The following FNDC3A variants were observed in gnomAD, a reference collection of about 807,000 sequenced individuals.
FNDC3A encodes the protein fibronectin type-III domain-containing protein 3A.
In FNDC3A, 32 loss-of-function variants were observed where a neutral mutation model predicts 148.9. That is an observed-to-expected ratio of 0.21 (90% CI 0.16 to 0.29). The LOEUF (loss-of-function observed/expected upper bound fraction) is 0.29. Among genes scored for constraint, FNDC3A ranks in the 10% least tolerant of loss-of-function variants. The pLI is 1.00. For missense variants in FNDC3A, 1,191 were observed against 1,452.8 expected (o/e 0.82, Z 2.93); for synonymous variants, 472 against 473.6 (o/e 1.00, Z 0.04).
At chr13:49,058,950 C>T (rs1432253599) in intron 2 of FNDC3A, among the ~76,000 whole-genome samples, 1 of 152,144 alleles carries the variant, frequency 6.6e-6, no homozygotes, top group Non-Finnish European at 1.5e-5. Context: ...GAAATTTGTA[C>T]CTAGCTTTCA....
At chr13:49,106,463 C>T (rs1880179140) in intron 3 of FNDC3A, among the ~76,000 whole-genome samples, 1 of 152,008 alleles carries the variant, frequency 6.6e-6, no homozygotes, top group Non-Finnish European at 1.5e-5. Flanking sequence ...CAGGCATGCA[C>T]CACCACACCC....
chr13:49,145,711 A>AT lies in FNDC3A; in HGVS notation c.820-66dup, dbSNP rs1882952596. On this transcript the variant is annotated intron_variant, in intron 7 of 25. Transcript: ENST00000492622. Reference sequence around the variant, plus strand: ...TTATTTAATCTTGAAACCTCATTAGATATTTCACTGCTCATTGTATACATT... The same window carrying AT: ...TTATTTAATCTTGAAACCTCATTAGATTATTTCACTGCTCATTGTATACATT... 35 of 1,254,464 alleles carry AT rather than the reference A, an allele frequency of 2.8e-5. 2 individuals are homozygous for AT. The South Asian group carries it at 4.5e-4, about 16-fold the overall frequency. The allele number at this position is 1,254,464 out of a possible 1,614,324, so 77.7% of individuals were successfully genotyped here. A position where few individuals can be genotyped will look rare whatever the true frequency, so the allele number is the denominator to read the frequency against.
At chr13:49,104,328 C>T (rs1025814513) in intron 3 of FNDC3A, among the ~76,000 whole-genome samples, 2 of 152,026 alleles carry the variant, frequency 1.3e-5, no homozygotes, top group Non-Finnish European at 2.9e-5. Flanking sequence ...AGATCCATAC[C>T]ATCCTGGCTA....
chr13:49,193,662 G>A (rs150701236), intron 19 of FNDC3A, among the ~76,000 whole-genome samples: 1,526 of 152,324 alleles, frequency 0.01, 33 homozygotes, highest in African/African-American at 0.034. Flanking sequence ...GTAAATGCAT[G>A]TAATCCCAGC....
chr13:49,206,360 T>A (rs1886644947), intron 25 of FNDC3A, among the ~76,000 whole-genome samples: 1 of 152,150 alleles, frequency 6.6e-6, no homozygotes, highest in Non-Finnish European at 1.5e-5. Flanking sequence ...TAGTGTTCCA[T>A]TATTGGAACA....
chr13:49,006,253 G>T lies in FNDC3A; in HGVS notation c.63G>T (p.Leu21Phe), dbSNP rs774568986. 5.6e-6 allele frequency: 9 copies of T among 1,609,110 alleles called. No individual in the cohort carries two copies. In the East Asian group the frequency reaches 1.6e-4, roughly 28 times the overall value. ...TQILSSDISL[L>F]SAPIVSADGT... ...TCTTAAGTAGTGATATTTCTCTTTTGTCTGCCCCTATTGTAAGTGCAGATG... is the reference window on the plus strand; with the variant it reads ...TCTTAAGTAGTGATATTTCTCTTTTTTCTGCCCCTATTGTAAGTGCAGATG... The change falls in exon 2 of 26, where the codon TTG becomes TTT. Residue 21 changes from leucine to phenylalanine, a missense_variant. Leu to Phe is a conservative substitution (Grantham distance 22). Around this residue, in one of 3 missense-constraint regions of FNDC3A, gnomAD observed 426 missense variants for 473.2 expected, o/e 0.90. Coordinates refer to ENST00000492622, the MANE Select transcript of FNDC3A (RefSeq NM_001079673.2).
chr13:49,000,739 A>G (rs1952109390), intron 1 of FNDC3A, among the ~76,000 whole-genome samples: 1 of 151,926 alleles, frequency 6.6e-6, no homozygotes, highest in African/African-American at 2.4e-5. Flanking sequence ...TGTGTTTTTA[A>G]TTTCTTTCAG....
chr13:49,187,455 G>T, intron 16 of FNDC3A: 1 of 1,367,934 alleles, frequency 7.3e-7, no homozygotes, highest in Non-Finnish European at 1.0e-6. Flanking sequence ...CTTCATATCT[G>T]TTAATGGATG....
chr13:48,988,542 T>C (rs1457710644), intron 1 of FNDC3A, among the ~76,000 whole-genome samples: 1 of 152,182 alleles, frequency 6.6e-6, no homozygotes, highest in Non-Finnish European at 1.5e-5. Flanking sequence ...TAATTTATAA[T>C]TTAAAAGCTT....
At chr13:49,101,343 T>C (rs898844253) in intron 3 of FNDC3A, among the ~76,000 whole-genome samples, 1 of 152,164 alleles carries the variant, frequency 6.6e-6, no homozygotes, top group Non-Finnish European at 1.5e-5. Context: ...TAGATGCTTA[T>C]TCAGAACCTG....
At chr13:49,151,462 G>A (rs191158612) in intron 8 of FNDC3A, among the ~76,000 whole-genome samples, 36 of 152,212 alleles carry the variant, frequency 2.4e-4, no homozygotes, top group African/African-American at 7.2e-4. Flanking sequence ...CAGTCTGTAT[G>A]TATCTTTACA....
intron 2 of FNDC3A, among the ~76,000 whole-genome samples, chr13:49,041,504 G>A (rs1013918918): frequency 2.6e-5 from 4 of 152,084 alleles, no homozygotes; most frequent in Non-Finnish European, 5.9e-5. Context: ...TTCATTGAAC[G>A]AAAGTTTATT....
At chr13:49,204,394 C>T (rs1024911637) in intron 25 of FNDC3A, among the ~76,000 whole-genome samples, 3 of 151,974 alleles carry the variant, frequency 2.0e-5, no homozygotes, top group African/African-American at 7.2e-5. Context: ...ATATTTTCCT[C>T]TTCCACTAAA....
intron 2 of FNDC3A, among the ~76,000 whole-genome samples, chr13:49,019,123 G>C (rs1873082868): frequency 6.6e-6 from 1 of 152,260 alleles, no homozygotes; most frequent in Non-Finnish European, 1.5e-5. Flanking sequence ...GCTGTGGTGG[G>C]CTCCACCCAG....
chr13:49,006,514 G>A (rs1009703156), intron 2 of FNDC3A, among the ~76,000 whole-genome samples: 1 of 151,854 alleles, frequency 6.6e-6, no homozygotes, highest in Non-Finnish European at 1.5e-5. Flanking sequence ...ATATTTAGTT[G>A]CCATTCAAGT....
chr13:49,084,451 G>A (rs773941914), intron 3 of FNDC3A, among the ~76,000 whole-genome samples: 32 of 152,048 alleles, frequency 2.1e-4, no homozygotes, highest in Non-Finnish European at 3.4e-4. Flanking sequence ...TTTTCAATAT[G>A]AGCACCATTT....
chr13:49,099,666 A>G (rs1879742819), intron 3 of FNDC3A, among the ~76,000 whole-genome samples: 1 of 152,178 alleles, frequency 6.6e-6, no homozygotes, highest in African/African-American at 2.4e-5. Flanking sequence ...TAATGAGCTC[A>G]AAAACAAGGT....
At chr13:49,134,838 A>C (rs1391623485) in intron 5 of FNDC3A, among the ~76,000 whole-genome samples, 20 of 4,866 alleles carry the variant, frequency 4.1e-3, no homozygotes, top group Non-Finnish European at 8.5e-3. Context: ...ATGGAGTTTC[A>C]CTCTTTTTTT....
chr13:49,053,069 A>C (rs937617786), intron 2 of FNDC3A, among the ~76,000 whole-genome samples: 2 of 152,146 alleles, frequency 1.3e-5, no homozygotes, highest in East Asian at 3.9e-4. Context: ...GTCTCATTCC[A>C]ACTGTAACTC....
Sources: gnomAD v4.1 joint callset for allele counts (sites outside exome capture counted in the v4.1 genomes callset) on GRCh38, gnomAD v4.1.1 for gene constraint, gnomAD v4.1.1 regional missense constraint, MANE v1.5 for transcripts, NCBI Gene and HGNC (gene_info 2026-07-23, HGNC 2026-07-21) for gene names.